UNC80: variants seen among roughly 807,000 people sequenced by gnomAD.
UNC80 encodes unc-80 subunit of NALCN channel complex.
In UNC80, 164 loss-of-function variants were observed where a neutral mutation model predicts 384.6. That is an observed-to-expected ratio of 0.43 (90% CI 0.38 to 0.49). The LOEUF (loss-of-function observed/expected upper bound fraction) is 0.49, where lower values mean the gene tolerates loss of function less well. Ranked by LOEUF, UNC80 falls within the 20% of genes least tolerant of loss-of-function variation. The pLI is 0.00. For synonymous variants in UNC80, 1,486 were observed against 1,527.8 expected (o/e 0.97, Z 0.64); for missense variants, 3,330 against 4,143.0 (o/e 0.80, Z 5.39).
chr2:209,780,743 A>G (rs1574414892), intron 4 of UNC80, among the ~76,000 whole-genome samples: 1 of 151,812 alleles, frequency 6.6e-6, no homozygotes. Flanking sequence ...ACCGCCTTAC[A>G]TCTTTCATTT....
rs558173426 is a variant in UNC80, at chr2:209,840,733, G to A, written c.3357+85G>A. The A allele has an allele frequency of 3.7e-5, 41 of 1,113,474 alleles. No homozygotes were observed. In the African/African-American group the frequency reaches 6.2e-4, roughly 17 times the overall value. 69.0% of individuals were successfully genotyped at this position (1,113,474 alleles called of 1,614,324 possible). A position where few individuals can be genotyped will look rare whatever the true frequency, so the allele number is the denominator to read the frequency against. ...GCTGAGAAATAGCAAACACCTGCAG[G>A]GGCCAAATAAGGAAAAGCTGAAGAA... On this transcript the variant is annotated intron_variant, in intron 20 of 64. Transcript: ENST00000673920.
intron 53 of UNC80, chr2:209,970,123 C>G (rs2092841014): frequency 2.0e-6 from 1 of 499,300 alleles, no homozygotes; most frequent in Non-Finnish European, 3.5e-6. Context: ...CCATGCACTA[C>G]TTTGACAATT....
chr2:209,929,956 C>G lies in UNC80; in HGVS notation c.5892C>G (p.Thr1964=), dbSNP rs1185664286. Residue 1964 remains threonine, a synonymous_variant, in exon 37 of 65, where the codon ACC becomes ACG. Coordinates refer to ENST00000673920, the MANE Select transcript of UNC80 (RefSeq NM_001371986.1). Reference sequence around the variant, plus strand: ...TTCGACATTTTCTGGAAAAACTGACCATCAGCAATAGACAAGTAAATTCCT... The same window carrying G: ...TTCGACATTTTCTGGAAAAACTGACGATCAGCAATAGACAAGTAAATTCCT... ...TVLRHFLEKL[T]ISNRQDELMY... 2.1e-5 allele frequency: 32 copies of G among 1,539,450 alleles called. No homozygotes were observed. The highest frequency in any genetic ancestry group is 2.8e-5 in the Non-Finnish European group (32 of 1,142,542).
Position 209,894,819 on chromosome 2 carries a change from A to T in UNC80, c.4480+453A>T, listed in dbSNP as rs376282525. On this transcript the variant is annotated intron_variant, in intron 27 of 64. Coordinates refer to ENST00000673920, the MANE Select transcript of UNC80 (RefSeq NM_001371986.1). ...AATGTCAAATGTAATTCCCTTGGGG[A>T]GGACTACCTAAAGATTCTCTATATT... 2.6e-5 allele frequency among the ~76,000 whole-genome samples: 4 copies of T among 152,196 alleles called. 1 individual carries two copies. In the South Asian group the frequency reaches 8.3e-4, roughly 32 times the overall value.
At chr2:209,868,177 T>A (rs772689688) in intron 22 of UNC80, among the ~76,000 whole-genome samples, 1 of 152,200 alleles carries the variant, frequency 6.6e-6, no homozygotes, top group Non-Finnish European at 1.5e-5. Context: ...CAGAAGTATA[T>A]GCCCCCTAGC....
chr2:209,818,951 G>A, intron 11 of UNC80, 42 bp from the exon 12 acceptor site: 1 of 1,536,044 alleles, frequency 6.5e-7, no homozygotes, highest in Non-Finnish European at 8.8e-7. Context: ...GGTATTGTAG[G>A]TTAATGTAGG....
chr2:209,955,738 T>TATATATATACACAC (rs1437539911), intron 48 of UNC80, among the ~76,000 whole-genome samples: 4 of 53,556 alleles, frequency 7.5e-5, no homozygotes, highest in Non-Finnish European at 3.1e-5. Context: ...TATATATATA[T>TATATATATACACAC]ACACACACAC....
At chr2:209,829,677 C>T (rs1559158879) in intron 15 of UNC80, among the ~76,000 whole-genome samples, 2 of 152,094 alleles carry the variant, frequency 1.3e-5, no homozygotes, top group Admixed American at 6.6e-5. Flanking sequence ...GGACTCCTCT[C>T]TCTCATATAA....
chr2:209,989,553 TA>T (rs1051385266), intron 61 of UNC80, among the ~76,000 whole-genome samples: 4 of 152,148 alleles, frequency 2.6e-5, no homozygotes, highest in African/African-American at 9.7e-5. Flanking sequence ...AGTATTTCCC[TA>T]AAGGGAAAAA....
At chr2:209,818,010 C>G in intron 11 of UNC80, 58 bp downstream of exon 11, 2 of 1,526,846 alleles carry the variant, frequency 1.3e-6, no homozygotes, top group Non-Finnish European at 1.8e-6. Flanking sequence ...TGTTTTCTGT[C>G]CTTACACCAT....
At chr2:209,954,671 T>G (rs905928514) in intron 48 of UNC80, among the ~76,000 whole-genome samples, 3 of 152,238 alleles carry the variant, frequency 2.0e-5, no homozygotes, top group African/African-American at 7.2e-5. Flanking sequence ...ATGCCTACAA[T>G]TCCAACTAAG....
In UNC80 at chr2:209,935,709, T is replaced by C. The variant is rs1372515107; in HGVS notation, c.6179-5T>C. On this transcript the variant is annotated splice_polypyrimidine_tract_variant and splice_region_variant and intron_variant, in intron 39 of 64. Coordinates refer to ENST00000673920, the MANE Select transcript of UNC80 (RefSeq NM_001371986.1). ...TCAGTTTGTTATTATTTTTATCATCTGTAGGTACTAAAACCTTGGTAGTTC... is the reference window on the plus strand; with the variant it reads ...TCAGTTTGTTATTATTTTTATCATCCGTAGGTACTAAAACCTTGGTAGTTC... The C allele has an allele frequency of 1.3e-6, 2 of 1,485,640 alleles. No individual in the cohort carries two copies. Among genetic ancestry groups the C allele is most frequent in the East Asian group, 5.3e-5 (2 of 37,632 alleles). 92.0% of individuals were successfully genotyped at this position (1,485,640 alleles called of 1,614,324 possible).
chr2:209,802,406 G>T (rs1281251455), intron 7 of UNC80, among the ~76,000 whole-genome samples: 1 of 152,036 alleles, frequency 6.6e-6, no homozygotes, highest in Admixed American at 6.6e-5. Context: ...ACATCACATT[G>T]TACTTCATAA....
intron 20 of UNC80, among the ~76,000 whole-genome samples, chr2:209,841,983 T>A (rs991498217): frequency 1.3e-5 from 2 of 152,252 alleles, no homozygotes; most frequent in African/African-American, 4.8e-5. Flanking sequence ...TATTTAGCTA[T>A]CTTTCACTTT....
At chr2:209,906,180 G>A (rs1054636316) in intron 29 of UNC80, among the ~76,000 whole-genome samples, 2 of 152,050 alleles carry the variant, frequency 1.3e-5, no homozygotes, top group Admixed American at 1.3e-4. Context: ...GAGAACATGA[G>A]CAATAACAAC....
chr2:209,901,676 C>T (rs1241233804), intron 28 of UNC80, among the ~76,000 whole-genome samples: 1 of 152,056 alleles, frequency 6.6e-6, no homozygotes, highest in African/African-American at 2.4e-5. Context: ...CCTGTAATCC[C>T]AGCACTTTGG....
chr2:209,901,706 C>T (rs1049296336), intron 28 of UNC80, among the ~76,000 whole-genome samples: 7 of 152,100 alleles, frequency 4.6e-5, no homozygotes, highest in Non-Finnish European at 2.9e-5. Context: ...ACAGGCGGAT[C>T]ACGAGGTCAG....
intron 7 of UNC80, among the ~76,000 whole-genome samples, chr2:209,797,626 A>G (rs1309005144): frequency 6.6e-6 from 1 of 152,182 alleles, no homozygotes; most frequent in African/African-American, 2.4e-5. Context: ...TAGTGCTGCA[A>G]TAAACATATG....
intron 7 of UNC80, among the ~76,000 whole-genome samples, chr2:209,813,235 A>G (rs2079491870): frequency 6.6e-6 from 1 of 152,106 alleles, no homozygotes; most frequent in Non-Finnish European, 1.5e-5. Context: ...TTACTCACCA[A>G]TTACTTAGGG....
Sources: gnomAD v4.1 joint callset for allele counts (sites outside exome capture counted in the v4.1 genomes callset) on GRCh38, gnomAD v4.1.1 for gene constraint, MANE v1.5 for transcripts, NCBI Gene and HGNC (gene_info 2026-07-23, HGNC 2026-07-21) for gene names.